Variants in AUH observed in about 807,000 individuals in gnomAD.
The protein encoded by AUH is methylglutaconyl-CoA hydratase, mitochondrial.
Under a neutral mutation model 42.3 loss-of-function variants are expected in AUH, and 29 were observed. The ratio of observed to expected loss-of-function variants is 0.69; its 90% CI spans 0.51 to 0.93. The LOEUF is 0.93. Among genes scored for constraint, AUH ranks in the 40% least tolerant of loss-of-function variants. The pLI, the probability that AUH is intolerant of heterozygous loss-of-function variation, is 0.00. For missense variants in AUH, 452 were observed against 438.1 expected, an observed-to-expected ratio of 1.03 and a Z score of -0.28; for synonymous variants, 174 against 166.4, an observed-to-expected ratio of 1.05 and a Z score of -0.35.
chr9:91,220,860 T>C lies in AUH; in HGVS notation c.788A>G (p.Glu263Gly), dbSNP rs1405986236. 1.2e-6 allele frequency: 2 copies of C among 1,614,260 alleles called. No homozygotes were observed. The highest frequency in any genetic ancestry group is 1.7e-6 in the Non-Finnish European group (2 of 1,180,054). ...LISHVLEQNQ[E>G]GDAAYRKALD... ...GGCCTTCCTGTAGGCCGCGTCTCCC[T>C]CCTGGTTCTGTTCCAGAACGTGGCT... Residue 263 changes from glutamate to glycine, a missense_variant, in exon 7 of 10, where the codon GAG becomes GGG. Physicochemically the swap from Glu to Gly is moderately conservative, Grantham distance 98 (BLOSUM62 -2). Coordinates refer to ENST00000375731, the MANE Select transcript of AUH (RefSeq NM_001698.3).
chr9:91,348,922 A>C (rs2132033421), intron 3 of AUH, among the ~76,000 whole-genome samples: 1 of 152,332 alleles, frequency 6.6e-6, no homozygotes, highest in African/African-American at 2.4e-5. Flanking sequence ...TTTTTATTCC[A>C]ACAAACAATA....
At chr9:91,328,918 A>T (rs1417386007) in intron 3 of AUH, among the ~76,000 whole-genome samples, 1 of 152,162 alleles carries the variant, frequency 6.6e-6, no homozygotes, top group Non-Finnish European at 1.5e-5. Flanking sequence ...TCATGCCCAT[A>T]TGCAGTTGCT....
chr9:91,315,626 A>G (rs1029342491), intron 4 of AUH, among the ~76,000 whole-genome samples: 2 of 152,250 alleles, frequency 1.3e-5, no homozygotes, highest in Non-Finnish European at 2.9e-5. Context: ...AATACAGTAA[A>G]TAAGAAATGT....
At chr9:91,253,619 T>C (rs1829253434) in intron 6 of AUH, among the ~76,000 whole-genome samples, 1 of 152,314 alleles carries the variant, frequency 6.6e-6, no homozygotes, top group Non-Finnish European at 1.5e-5. Flanking sequence ...GAGCTGACTT[T>C]CACGGGTTTG....
chr9:91,318,224 T>G (rs1669737356), intron 4 of AUH, among the ~76,000 whole-genome samples: 1 of 152,232 alleles, frequency 6.6e-6, no homozygotes, highest in Admixed American at 6.5e-5. Context: ...CTGGGTCTGG[T>G]GCTTTCTCTG....
rs1447316510 is a variant in AUH, at chr9:91,277,919, C to T, written c.655+18102G>A. 5.9e-5 allele frequency among the ~76,000 whole-genome samples: 9 copies of T among 152,206 alleles called. No individual in the cohort carries two copies. In the East Asian group the frequency reaches 1.2e-3, roughly 20 times the overall value. The stretch of plus-strand genomic sequence containing the variant: ...AATTTGGAAGTAATGCTATTCCTTT[C>T]TTATTAACTGAGATTAAAACAGTTT... On this transcript the variant is annotated intron_variant, in intron 6 of 9. Coordinates refer to ENST00000375731, the MANE Select transcript of AUH (RefSeq NM_001698.3).
chr9:91,338,234 C>A (rs929023202), intron 3 of AUH, among the ~76,000 whole-genome samples: 1 of 152,212 alleles, frequency 6.6e-6, no homozygotes, highest in South Asian at 2.1e-4. Flanking sequence ...AGCGTCTCAG[C>A]CCCTCTTGAA....
chr9:91,216,888 G>A (rs899099526), intron 8 of AUH, among the ~76,000 whole-genome samples: 3 of 152,224 alleles, frequency 2.0e-5, no homozygotes, highest in African/African-American at 4.8e-5. Context: ...GAAGCTAAAG[G>A]TGGAAAGAGC....
chr9:91,257,176 T>A (rs984688262), intron 6 of AUH, among the ~76,000 whole-genome samples: 1 of 152,108 alleles, frequency 6.6e-6, no homozygotes, highest in Non-Finnish European at 1.5e-5. Context: ...TTGATCTAGC[T>A]GGATCTGAAC....
At chr9:91,336,853 T>A (rs559392727) in intron 3 of AUH, among the ~76,000 whole-genome samples, 1 of 152,346 alleles carries the variant, frequency 6.6e-6, no homozygotes, top group African/African-American at 2.4e-5. Flanking sequence ...AAAACACTGA[T>A]GGCTCTTAAT....
intron 3 of AUH, among the ~76,000 whole-genome samples, chr9:91,343,748 T>C (rs1831278192): frequency 6.6e-6 from 1 of 152,046 alleles, no homozygotes; most frequent in African/African-American, 2.4e-5. Context: ...AATAAATAAA[T>C]AATCAATCAG....
chr9:91,308,844 G>A (rs574322314), intron 4 of AUH, among the ~76,000 whole-genome samples: 1 of 148,336 alleles, frequency 6.7e-6, no homozygotes, highest in East Asian at 2.0e-4. Context: ...AGGCTGAAGT[G>A]CAATGCCACA....
At chr9:91,218,523 TG>T in intron 7 of AUH, 1 of 746,568 alleles carries the variant, frequency 1.3e-6, no homozygotes, top group Non-Finnish European at 1.6e-6. Context: ...GGGTCTGAGA[TG>T]GGCCTGAGAT....
At chr9:91,346,880 T>C (rs1262737159) in intron 3 of AUH, among the ~76,000 whole-genome samples, 3 of 150,884 alleles carry the variant, frequency 2.0e-5, no homozygotes, top group Non-Finnish European at 4.4e-5. Flanking sequence ...AAAAAAACAC[T>C]TTATTTACTA....
chr9:91,214,184 G>T lies in AUH; in HGVS notation c.*164C>A. ...GAATATGACATTTACACATTTGAAT[G>T]AAGTACACGGATGGGTCCATTCCAG... On this transcript the variant is annotated 3_prime_UTR_variant, in exon 10 of 10. Transcript: ENST00000375731. The T allele has an allele frequency of 1.5e-6, 1 of 654,652 alleles. No homozygotes were observed. Among genetic ancestry groups the T allele is most frequent in the Non-Finnish European group, 2.8e-6 (1 of 361,256 alleles). 40.6% of individuals were successfully genotyped at this position (654,652 alleles called of 1,614,324 possible). A position where few individuals can be genotyped will look rare whatever the true frequency, so the allele number is the denominator to read the frequency against.
At chr9:91,230,523 T>C (rs1245498207) in intron 6 of AUH, among the ~76,000 whole-genome samples, 1 of 152,224 alleles carries the variant, frequency 6.6e-6, no homozygotes, top group African/African-American at 2.4e-5. Flanking sequence ...CTCAGAGTAA[T>C]CTGATCGTCT....
chr9:91,282,977 C>T (rs10991867), intron 6 of AUH, among the ~76,000 whole-genome samples: 10,890 of 152,230 alleles, frequency 0.072, 673 homozygotes, highest in East Asian at 0.26. Context: ...CCAGCATCAT[C>T]CTGATACCAA....
intron 6 of AUH, among the ~76,000 whole-genome samples, chr9:91,262,005 GAGTC>G (rs1410192653): frequency 2.0e-5 from 3 of 152,114 alleles, no homozygotes; most frequent in African/African-American, 4.8e-5. Context: ...GAAAGTTACT[GAGTC>G]AGTCAACAAC....
intron 6 of AUH, among the ~76,000 whole-genome samples, chr9:91,267,853 C>G (rs1270033622): frequency 6.6e-6 from 1 of 152,202 alleles, no homozygotes; most frequent in East Asian, 1.9e-4. Context: ...CCTAACACTA[C>G]TACCACCTTT....
Sources: gnomAD v4.1 joint callset for allele counts (sites outside exome capture counted in the v4.1 genomes callset) on GRCh38, gnomAD v4.1.1 for gene constraint, MANE v1.5 for transcripts, NCBI Gene and HGNC (gene_info 2026-07-23, HGNC 2026-07-21) for gene names.